The following SORCS1 variants were observed in gnomAD, a reference collection of about 807,000 sequenced individuals.
SORCS1 encodes the protein sortilin related VPS10 domain containing receptor 1, also known as VPS10 domain-containing receptor SorCS1.
A neutral mutation model predicts 146.1 loss-of-function variants in SORCS1; 60 were observed. The ratio of observed to expected loss-of-function variants is 0.41; its 90% CI spans 0.33 to 0.51. The LOEUF (loss-of-function observed/expected upper bound fraction) is 0.51. Ranked by LOEUF, SORCS1 falls within the 20% of genes least tolerant of loss-of-function variation. The pLI is 0.21. For missense variants in SORCS1, 1,352 were observed against 1,487.6 expected (o/e 0.91, Z 1.50); for synonymous variants, 637 against 584.0 (o/e 1.09, Z -1.31).
At chr10:107,030,173 C>T (rs1420866177) in intron 1 of SORCS1, among the ~76,000 whole-genome samples, 1 of 152,090 alleles carries the variant, frequency 6.6e-6, no homozygotes, top group Non-Finnish European at 1.5e-5. Context: ...GGTCGAGTGC[C>T]AGTCTCCACA....
chr10:106,646,319 A>G (rs1033714214), intron 18 of SORCS1, among the ~76,000 whole-genome samples: 5 of 152,188 alleles, frequency 3.3e-5, no homozygotes, highest in Non-Finnish European at 7.3e-5. Context: ...ATTCCTTTAT[A>G]CTAAATGGGT....
chr10:106,741,006 G>A (rs938222661), intron 5 of SORCS1, among the ~76,000 whole-genome samples: 3 of 152,268 alleles, frequency 2.0e-5, no homozygotes, highest in Non-Finnish European at 2.9e-5. Flanking sequence ...GGTAAAAGAC[G>A]AAATACGTGT....
intron 1 of SORCS1, among the ~76,000 whole-genome samples, chr10:107,003,307 T>C (rs181281101): frequency 2.6e-5 from 4 of 152,222 alleles, no homozygotes; most frequent in East Asian, 3.9e-4. Flanking sequence ...GCATAAGTAA[T>C]ATATTTGCAG....
chr10:106,617,270 C>T (rs1005991634), intron 21 of SORCS1, among the ~76,000 whole-genome samples: 2 of 151,986 alleles, frequency 1.3e-5, no homozygotes, highest in African/African-American at 4.8e-5. Flanking sequence ...CTCTCTTTCT[C>T]ATCCTCCTTC....
intron 5 of SORCS1, among the ~76,000 whole-genome samples, chr10:106,751,236 T>TA (rs1391082475): frequency 3.0e-4 from 45 of 152,164 alleles, no homozygotes; most frequent in East Asian, 1.9e-4. Flanking sequence ...TAGAAACGCC[T>TA]CAGTAGACCT....
intron 1 of SORCS1, among the ~76,000 whole-genome samples, chr10:106,975,865 T>C (rs941461655): frequency 2.0e-5 from 3 of 152,132 alleles, no homozygotes; most frequent in African/African-American, 7.2e-5. Context: ...GGCCATCTCC[T>C]GGCTGGGCAT....
At chr10:106,750,601 T>C (rs13376950) in intron 5 of SORCS1, among the ~76,000 whole-genome samples, 30,461 of 147,716 alleles carry the variant, frequency 0.21, 3,670 homozygotes, top group East Asian at 0.48. Flanking sequence ...TGGTGGCGGA[T>C]GCCTGTAGTC....
intron 2 of SORCS1, among the ~76,000 whole-genome samples, chr10:106,871,197 A>C (rs1950395325): frequency 6.6e-6 from 1 of 152,222 alleles, no homozygotes; most frequent in Non-Finnish European, 1.5e-5. Flanking sequence ...AAGTCAACAA[A>C]TAACAGATGC....
chr10:106,709,183 A>C (rs1200632126), intron 7 of SORCS1, 40 bp downstream of exon 7: 3 of 1,477,014 alleles, frequency 2.0e-6, no homozygotes, highest in Non-Finnish European at 2.8e-6. Context: ...AAGGAAAAGA[A>C]AGGTTTCTGA....
In SORCS1 at chr10:106,688,258, G is replaced by A. The variant is rs777991582; in HGVS notation, c.1494C>T (p.Gly498=). Reference sequence around the variant, plus strand: ...GCGCCTGCAGCAAACGCCAGTCTCTGCCTTTGTTATATGTGATGAAAGTCT... The same window carrying A: ...GCGCCTGCAGCAAACGCCAGTCTCTACCTTTGTTATATGTGATGAAAGTCT... ...QVKTFITYNK[G]RDWRLLQAPD... is the part of the protein sequence containing the mutation. The change falls in exon 10 of 26, where the codon GGC becomes GGT. Residue 498 remains glycine (G), a synonymous_variant. Transcript: ENST00000263054. 3.2e-5 allele frequency: 51 copies of A among 1,613,920 alleles called. No homozygotes were observed. In the Middle Eastern group the frequency reaches 6.6e-4, roughly 21 times the overall value.
chr10:106,735,642 T>C (rs1856897192), intron 5 of SORCS1, among the ~76,000 whole-genome samples: 1 of 152,182 alleles, frequency 6.6e-6, no homozygotes, highest in Admixed American at 6.5e-5. Context: ...ATGACCCATA[T>C]ATGTATCTAT....
chr10:107,159,020 AG>A (rs1035932781), intron 1 of SORCS1, among the ~76,000 whole-genome samples: 1 of 130,084 alleles, frequency 7.7e-6, no homozygotes, highest in East Asian at 2.6e-4. Flanking sequence ...TTGGGGGGGA[AG>A]GGGGGTCCAA....
chr10:107,075,751 A>G (rs765066054), intron 1 of SORCS1, among the ~76,000 whole-genome samples: 2 of 152,122 alleles, frequency 1.3e-5, no homozygotes, highest in African/African-American at 2.4e-5. Flanking sequence ...ACTGAAACCT[A>G]TTCTTCAATC....
chr10:106,693,575 C>A (rs1853462292), intron 9 of SORCS1, among the ~76,000 whole-genome samples: 1 of 152,196 alleles, frequency 6.6e-6, no homozygotes, highest in Non-Finnish European at 1.5e-5. Flanking sequence ...ATCTTCTAGG[C>A]ACTTGGCAGA....
rs147800601 is a variant in SORCS1, at chr10:106,675,309, T to C, written c.1833-153A>G. On this transcript the variant is annotated intron_variant, in intron 13 of 25. Coordinates refer to ENST00000263054, the MANE Select transcript of SORCS1 (RefSeq NM_052918.5). ...TTTCATATGAATAAGTATTCTTAAT[T>C]ATATCAGAAAGTAGAAATACAGTTA... Among the ~76,000 whole-genome samples, 87 of 152,318 alleles carry C rather than the reference T, an allele frequency of 5.7e-4. No individual in the cohort carries two copies. The East Asian group carries it at 0.014, about 24-fold the overall frequency.
At chr10:106,745,003 C>T (rs1379782067) in intron 5 of SORCS1, among the ~76,000 whole-genome samples, 1 of 152,112 alleles carries the variant, frequency 6.6e-6, no homozygotes. Flanking sequence ...TAAAAAAAGA[C>T]CAACAAAAAG....
intron 17 of SORCS1, 104 bp from the exon 18 acceptor site, chr10:106,652,657 G>A: frequency 8.0e-7 from 1 of 1,256,710 alleles, no homozygotes; most frequent in Non-Finnish European, 1.1e-6. Context: ...CCATCAGTAA[G>A]CACCTAACCA....
intron 24 of SORCS1, among the ~76,000 whole-genome samples, chr10:106,592,709 G>C (rs1224155679): frequency 6.6e-6 from 1 of 151,760 alleles, no homozygotes; most frequent in Non-Finnish European, 1.5e-5. Flanking sequence ...GCCTACAGGG[G>C]GGATGAGAGA....
At chr10:106,590,807 A>T (rs899522937) in intron 24 of SORCS1, among the ~76,000 whole-genome samples, 2 of 152,108 alleles carry the variant, frequency 1.3e-5, no homozygotes, top group Non-Finnish European at 2.9e-5. Context: ...GGTGCACGCC[A>T]CCATGCCTGG....
Sources: gnomAD v4.1 joint callset for allele counts (sites outside exome capture counted in the v4.1 genomes callset) on GRCh38, gnomAD v4.1.1 for gene constraint, MANE v1.5 for transcripts, NCBI Gene and HGNC (gene_info 2026-07-23, HGNC 2026-07-21) for gene names.